The following RALYL variants were observed in gnomAD, a reference collection of about 807,000 sequenced individuals.
RALYL encodes the protein RALY RNA binding protein like.
A neutral mutation model predicts 35.1 loss-of-function variants in RALYL; 29 were observed. That is an observed-to-expected ratio of 0.83 (90% CI 0.61 to 1.13). The LOEUF (loss-of-function observed/expected upper bound fraction) is 1.13. RALYL is among the 50% of genes most tolerant of loss of function. RALYL has a pLI of 0.00. For missense variants in RALYL, 359 were observed against 360.4 expected (o/e 1.00, Z 0.03); for synonymous variants, 120 against 127.6 (o/e 0.94, Z 0.40).
chr8:84,651,901 G>C lies in RALYL; in HGVS notation c.256+122324G>C, dbSNP rs1034899272. Among the ~76,000 whole-genome samples the C allele has an allele frequency of 3.3e-5, 5 of 151,932 alleles. No homozygotes were observed. In the South Asian group the frequency reaches 1.0e-3, roughly 31 times the overall value. ...TGGATTAGGATAATTTAAAAGAGTAGAAAAAACGTCCAAATATCTTGAATC... is the reference window on the plus strand; with the variant it reads ...TGGATTAGGATAATTTAAAAGAGTACAAAAAACGTCCAAATATCTTGAATC... On this transcript the variant is annotated intron_variant, in intron 2 of 8. Transcript: ENST00000521268.
intron 1 of RALYL, among the ~76,000 whole-genome samples, chr8:84,371,696 A>G (rs559954110): frequency 1.3e-5 from 2 of 152,194 alleles, no homozygotes; most frequent in South Asian, 4.1e-4. Flanking sequence ...TGATATACAC[A>G]TCATTAGAGA....
intron 4 of RALYL, among the ~76,000 whole-genome samples, chr8:84,841,185 G>A (rs1833232652): frequency 6.6e-6 from 1 of 152,144 alleles, no homozygotes; most frequent in African/African-American, 2.4e-5. Context: ...ATTGGATAAA[G>A]AGTCAAGACC....
At chr8:84,185,383 G>T (rs1812264733) in intron 1 of RALYL, 1 of 262,838 alleles carries the variant, frequency 3.8e-6, no homozygotes, top group African/African-American at 2.2e-5. Context: ...ATGATTTCGT[G>T]TGTTGGTAGC....
intron 8 of RALYL, among the ~76,000 whole-genome samples, chr8:84,916,849 A>G (rs1848559630): frequency 6.6e-6 from 1 of 152,188 alleles, no homozygotes; most frequent in Non-Finnish European, 1.5e-5. Context: ...TCAATCTTAT[A>G]AACTAAAGTA....
chr8:84,799,972 A>G (rs886696726), intron 3 of RALYL, among the ~76,000 whole-genome samples: 4 of 152,308 alleles, frequency 2.6e-5, no homozygotes, highest in Admixed American at 6.5e-5. Flanking sequence ...AAATAAATAA[A>G]TAAATAAAAT....
chr8:84,208,824 C>T (rs1818707199), intron 1 of RALYL, among the ~76,000 whole-genome samples: 1 of 151,948 alleles, frequency 6.6e-6, no homozygotes, highest in South Asian at 2.1e-4. Flanking sequence ...AATCAGGGGT[C>T]ACAAACAAAG....
At chr8:84,341,848 A>G (rs529982302) in intron 1 of RALYL, among the ~76,000 whole-genome samples, 2 of 152,052 alleles carry the variant, frequency 1.3e-5, no homozygotes, top group South Asian at 4.1e-4. Context: ...AAAGTAATCA[A>G]TATCTATCAT....
chr8:84,287,559 G>C (rs1469522160), intron 1 of RALYL, among the ~76,000 whole-genome samples: 1 of 152,034 alleles, frequency 6.6e-6, no homozygotes, highest in Non-Finnish European at 1.5e-5. Flanking sequence ...AAAGAGGAGA[G>C]TGTAGGGAGA....
intron 2 of RALYL, among the ~76,000 whole-genome samples, chr8:84,692,686 G>A (rs950620294): frequency 6.6e-6 from 1 of 152,002 alleles, no homozygotes; most frequent in South Asian, 2.1e-4. Flanking sequence ...AAAGTATGTA[G>A]CATTATTTTG....
At chr8:84,449,897 T>A (rs58066601) in intron 1 of RALYL, among the ~76,000 whole-genome samples, 1 of 151,950 alleles carries the variant, frequency 6.6e-6, no homozygotes, top group Admixed American at 6.6e-5. Context: ...CCACATTTTT[T>A]GCAAATATTT....
chr8:84,430,591 AGTGTAAAACATTTGGCTCT>A (rs1173461449), intron 1 of RALYL, among the ~76,000 whole-genome samples: 2 of 152,152 alleles, frequency 1.3e-5, no homozygotes, highest in African/African-American at 4.8e-5. Flanking sequence ...GGTTTACTCT[AGTGTAAAACATTTGGCTCT>A]GGAAAAAATC....
intron 3 of RALYL, among the ~76,000 whole-genome samples, chr8:84,775,520 C>T (rs1022331365): frequency 1.3e-5 from 2 of 152,134 alleles, no homozygotes; most frequent in Non-Finnish European, 2.9e-5. Flanking sequence ...TCTCTCATGA[C>T]CATTTTTCCC....
intron 1 of RALYL, among the ~76,000 whole-genome samples, chr8:84,457,259 G>GAATAGACAATACTATTGTAAGACAA (rs1323693500): frequency 6.6e-6 from 1 of 151,948 alleles, no homozygotes; most frequent in Non-Finnish European, 1.5e-5. Context: ...GAATAGACAA[G>GAATAGACAATACTATTGTAAGACAA]TAGTATTACA....
intron 7 of RALYL, among the ~76,000 whole-genome samples, chr8:84,873,854 G>T (rs1840656909): frequency 1.3e-5 from 2 of 152,120 alleles, no homozygotes; most frequent in Admixed American, 6.6e-5. Context: ...CAGTACCCAA[G>T]TTCAGGAACA....
intron 1 of RALYL, among the ~76,000 whole-genome samples, chr8:84,316,256 C>T (rs1843733620): frequency 6.6e-6 from 1 of 152,094 alleles, no homozygotes; most frequent in African/African-American, 2.4e-5. Flanking sequence ...ACATTTATTT[C>T]CAGACGTTCT....
intron 8 of RALYL, among the ~76,000 whole-genome samples, chr8:84,908,693 A>G (rs969354364): frequency 6.6e-6 from 1 of 152,122 alleles, no homozygotes; most frequent in Non-Finnish European, 1.5e-5. Flanking sequence ...ACTATGAGTC[A>G]ATATTTTTAA....
intron 2 of RALYL, among the ~76,000 whole-genome samples, chr8:84,705,236 AT>A (rs1316753963): frequency 6.6e-6 from 1 of 152,136 alleles, no homozygotes; most frequent in Admixed American, 6.5e-5. Flanking sequence ...TGTGAAACAT[AT>A]TCAGATAGGG....
chr8:84,408,573 G>T (rs551957089), intron 1 of RALYL, among the ~76,000 whole-genome samples: 1 of 152,280 alleles, frequency 6.6e-6, no homozygotes, highest in Non-Finnish European at 1.5e-5. Flanking sequence ...TGGGGTGGAT[G>T]AATAAGTGTC....
intron 1 of RALYL, among the ~76,000 whole-genome samples, chr8:84,309,281 A>G (rs971894560): frequency 6.6e-6 from 1 of 151,572 alleles, no homozygotes; most frequent in Non-Finnish European, 1.5e-5. Context: ...ATTATTTTTC[A>G]TATCAATGGA....
Sources: gnomAD v4.1 joint callset for allele counts (sites outside exome capture counted in the v4.1 genomes callset) on GRCh38, gnomAD v4.1.1 for gene constraint, MANE v1.5 for transcripts, NCBI Gene and HGNC (gene_info 2026-07-23, HGNC 2026-07-21) for gene names.